Variants in FCHSD2 observed in about 807,000 individuals in gnomAD.
FCHSD2 encodes F-BAR and double SH3 domains protein 2.
FCHSD2 carries 38 observed loss-of-function variants against 108.1 expected under a neutral mutation model. That is an observed-to-expected ratio of 0.35 (90% CI 0.27 to 0.46). The LOEUF is 0.46. FCHSD2 is among the 20% of genes least tolerant of loss of function. The pLI is 1.00. For missense variants in FCHSD2, 751 were observed against 897.8 expected (o/e 0.84, Z 2.09); for synonymous variants, 279 against 314.7 (o/e 0.89, Z 1.20).
intron 8 of FCHSD2, among the ~76,000 whole-genome samples, chr11:72,959,948 G>C (rs1420272312): frequency 6.6e-6 from 1 of 151,924 alleles, no homozygotes; most frequent in East Asian, 1.9e-4. Flanking sequence ...CTTTGAGGAA[G>C]ATGGTTTTAA....
At chr11:72,860,292 A>G (rs780503220) in intron 13 of FCHSD2, among the ~76,000 whole-genome samples, 13 of 152,210 alleles carry the variant, frequency 8.5e-5, no homozygotes, top group Non-Finnish European at 1.8e-4. Flanking sequence ...CTTAATTGAC[A>G]TTTATAGAAC....
At chr11:73,096,370 G>A (rs111762225) in intron 2 of FCHSD2, among the ~76,000 whole-genome samples, 1 of 103,462 alleles carries the variant, frequency 9.7e-6, no homozygotes, top group African/African-American at 4.0e-5. Flanking sequence ...TTGAAACCCT[G>A]CCTCTACAAA....
chr11:72,880,534 A>T (rs1457190389), intron 12 of FCHSD2, among the ~76,000 whole-genome samples: 1 of 152,156 alleles, frequency 6.6e-6, no homozygotes, highest in African/African-American at 2.4e-5. Context: ...GGAAAACTGA[A>T]TATCCACCTG....
At chr11:72,997,978 C>T (rs1857552040) in intron 5 of FCHSD2, among the ~76,000 whole-genome samples, 1 of 152,118 alleles carries the variant, frequency 6.6e-6, no homozygotes, top group Non-Finnish European at 1.5e-5. Flanking sequence ...CAGGTGTGAA[C>T]TACCACTCCC....
rs72984904 is a variant in FCHSD2 at position 73,098,684 on chromosome 11, T to C, written c.120-14944A>G. On this transcript the variant is annotated intron_variant, in intron 2 of 19. Transcript: ENST00000409418. ...ACTAAACTGAGAAAGAATAGTCTCTTCAACAAATGGTGCCAAGACAAGATT... is the reference window on the plus strand; with the variant it reads ...ACTAAACTGAGAAAGAATAGTCTCTCCAACAAATGGTGCCAAGACAAGATT... 7.9e-3 allele frequency among the ~76,000 whole-genome samples: 1,202 copies of C among 152,200 alleles called. 12 individuals are homozygous for C. Among genetic ancestry groups the C allele is most frequent in the African/African-American group, 0.027 (1,141 of 41,520 alleles).
chr11:73,030,020 TAACAACAAC>T (rs558759741), intron 3 of FCHSD2, among the ~76,000 whole-genome samples: 2 of 152,042 alleles, frequency 1.3e-5, no homozygotes, highest in African/African-American at 2.4e-5. Context: ...GGCCAGTTTT[TAACAACAAC>T]AACAACAACA....
chr11:73,095,917 A>G (rs1226525211), intron 2 of FCHSD2, among the ~76,000 whole-genome samples: 1 of 152,180 alleles, frequency 6.6e-6, no homozygotes, highest in East Asian at 1.9e-4. Flanking sequence ...GATTAAAAAA[A>G]AAAAAAGTTA....
At chr11:72,892,281 C>T (rs1274592786) in intron 10 of FCHSD2, among the ~76,000 whole-genome samples, 1 of 152,160 alleles carries the variant, frequency 6.6e-6, no homozygotes, top group Non-Finnish European at 1.5e-5. Context: ...TATGTGTCTA[C>T]TAAGACTTGG....
chr11:73,008,927 T>C (rs1410242430), intron 4 of FCHSD2, among the ~76,000 whole-genome samples: 3 of 151,860 alleles, frequency 2.0e-5, no homozygotes, highest in Non-Finnish European at 4.4e-5. Context: ...TACCAGTTCA[T>C]AGTCAAGATT....
intron 8 of FCHSD2, among the ~76,000 whole-genome samples, chr11:72,938,953 C>T (rs538332936): frequency 4.7e-4 from 71 of 152,186 alleles, no homozygotes; most frequent in Non-Finnish European, 8.7e-4. Flanking sequence ...GATAGGGTCA[C>T]AGAAGTTTTG....
At position 73,142,013 on chromosome 11, in the gene FCHSD2, C is replaced by A. The variant is rs554423637; in HGVS notation, c.-136G>T. The A allele has an allele frequency of 3.6e-6, 3 of 828,284 alleles. No individual in the cohort carries two copies. Among genetic ancestry groups the A allele is most frequent in the African/African-American group, 3.5e-5 (2 of 57,658 alleles). 51.3% of individuals were successfully genotyped at this position (828,284 alleles called of 1,614,324 possible). Reference sequence around the variant, plus strand: ...GAGCGCTTAAGAAGCAAGACTTGCCCCGGAGGGAGCAGGCCAGCGGGCGGC... The same window carrying A: ...GAGCGCTTAAGAAGCAAGACTTGCCACGGAGGGAGCAGGCCAGCGGGCGGC... On this transcript the variant is annotated 5_prime_UTR_variant, in exon 1 of 20. Coordinates refer to ENST00000409418, the MANE Select transcript of FCHSD2 (RefSeq NM_014824.3).
chr11:72,953,628 G>GGA (rs1555061966), intron 8 of FCHSD2, among the ~76,000 whole-genome samples: 16 of 148,724 alleles, frequency 1.1e-4, no homozygotes, highest in Non-Finnish European at 2.1e-4. Flanking sequence ...CTGCATGGGG[G>GGA]AAAAAAAAAA....
chr11:73,126,506 T>C (rs1300203652), intron 2 of FCHSD2, among the ~76,000 whole-genome samples: 4 of 151,996 alleles, frequency 2.6e-5, no homozygotes, highest in African/African-American at 9.7e-5. Context: ...TTGTACATAT[T>C]AGAAATAAAT....
rs1355430291 is a variant in FCHSD2, at chr11:72,843,482, C to T, written c.1494G>A (p.Val498=). 6.2e-7 allele frequency: 1 copy of T among 1,613,816 alleles called. No individual in the cohort carries two copies. The highest frequency in any genetic ancestry group is 1.7e-5 in the Admixed American group (1 of 60,018). The change falls in exon 15 of 20, where the codon GTG becomes GTA. Residue 498 remains valine (V), a synonymous_variant. Transcript: ENST00000409418. ...AGTCTTCCATATCTCCATCTTCAAT[C>T]ACTTCTAACACCTCATGTTCCTCAA... ...LTIEEHEVLE[V]IEDGDMEDWV...
At chr11:73,047,744 T>C (rs1413072200) in intron 3 of FCHSD2, among the ~76,000 whole-genome samples, 3 of 152,216 alleles carry the variant, frequency 2.0e-5, no homozygotes, top group Non-Finnish European at 4.4e-5. Flanking sequence ...TCTAGGACTA[T>C]CAAAATGCTA....
intron 13 of FCHSD2, among the ~76,000 whole-genome samples, chr11:72,856,916 C>T (rs774835000): frequency 6.6e-6 from 1 of 152,102 alleles, no homozygotes; most frequent in Non-Finnish European, 1.5e-5. Flanking sequence ...GGAAAGTTTA[C>T]AGGCATTTAA....
Position 73,034,143 on chromosome 11 carries a change from T to C in FCHSD2, c.166-18258A>G, listed in dbSNP as rs547843586. On this transcript the variant is annotated intron_variant, in intron 3 of 19. Coordinates refer to ENST00000409418, the MANE Select transcript of FCHSD2 (RefSeq NM_014824.3). ...GCAGAATGTGGAGGTTTGTTACATA[T>C]GTATACATGTGCCGTGGTGGTTTGC... is the stretch of plus-strand genomic sequence containing the variant. 3.9e-5 allele frequency among the ~76,000 whole-genome samples: 6 copies of C among 152,302 alleles called. No homozygotes were observed. The East Asian group carries it at 9.6e-4, about 24-fold the overall frequency.
At chr11:72,951,053 A>G (rs532264528) in intron 8 of FCHSD2, among the ~76,000 whole-genome samples, 7 of 152,342 alleles carry the variant, frequency 4.6e-5, no homozygotes, top group African/African-American at 1.7e-4. Flanking sequence ...AGGTTTAGCC[A>G]GGCCATGAGA....
At chr11:72,866,890 T>C (rs1444711743) in intron 13 of FCHSD2, among the ~76,000 whole-genome samples, 2 of 152,134 alleles carry the variant, frequency 1.3e-5, no homozygotes, top group African/African-American at 4.8e-5. Context: ...ATGAAGACAG[T>C]GGGAAGTTGG....
Sources: allele counts gnomAD v4.1 joint callset (sites outside exome capture counted in the v4.1 genomes callset), GRCh38; gene constraint gnomAD v4.1.1; transcripts MANE v1.5; gene names NCBI Gene and HGNC (gene_info 2026-07-23, HGNC 2026-07-21).